The following GGH variants were observed in gnomAD, a reference collection of about 807,000 sequenced individuals.
GGH encodes the protein gamma-glutamyl hydrolase.
Under a neutral mutation model 39.2 loss-of-function variants are expected in GGH, and 18 were observed. The ratio of observed to expected loss-of-function variants is 0.46; its 90% CI spans 0.32 to 0.68. GGH has a LOEUF of 0.68. Ranked by LOEUF, GGH falls within the 30% of genes least tolerant of loss-of-function variation. GGH has a pLI of 0.04. For synonymous variants in GGH, 147 were observed against 138.8 expected (o/e 1.06, Z -0.42); for missense variants, 367 against 384.1 (o/e 0.96, Z 0.37).
At chr8:63,033,051 C>T (rs1315550630) in intron 2 of GGH, among the ~76,000 whole-genome samples, 1 of 152,212 alleles carries the variant, frequency 6.6e-6, no homozygotes, top group African/African-American at 2.4e-5. Flanking sequence ...ACTGGTCTAC[C>T]TGCCTTTAGG....
rs1804895206 is a variant in GGH at position 63,035,697 on chromosome 8, T to C, written c.183A>G (p.Val61=). The change falls in exon 2 of 9, where the codon GTA becomes GTG. Residue 61 remains valine (V), a synonymous_variant. Coordinates refer to ENST00000260118, the MANE Select transcript of GGH (RefSeq NM_003878.3). ...TCGCACCTGCAGACTCCAAGTACTT[T>C]ACATAGGACGCAGCAATATAGTATC... is the stretch of plus-strand genomic sequence containing the variant. ...YGRYYIAASY[V]KYLESAGARV... is the part of the protein sequence containing the mutation. 3 of 1,613,652 alleles carry C rather than the reference T, an allele frequency of 1.9e-6. No homozygotes were observed. Among genetic ancestry groups the C allele is most frequent in the South Asian group, 1.1e-5 (1 of 90,898 alleles).
At chr8:63,038,591 C>CG in intron 1 of GGH, 69 bp downstream of exon 1, 40 of 694,946 alleles carry the variant, frequency 5.8e-5, no homozygotes, top group East Asian at 2.0e-4. Flanking sequence ...TGGAGCGCGG[C>CG]GGCGGGAGGC....
intron 8 of GGH, 50 bp downstream of exon 8, chr8:63,017,442 AT>A (rs1408086524): frequency 7.3e-7 from 1 of 1,362,548 alleles, no homozygotes; most frequent in East Asian, 2.3e-5. Context: ...GATAAGGGCA[AT>A]TTTCTTCAAA....
At chr8:63,032,926 A>G (rs1200621110) in intron 2 of GGH, among the ~76,000 whole-genome samples, 1 of 152,126 alleles carries the variant, frequency 6.6e-6, no homozygotes, top group Non-Finnish European at 1.5e-5. Flanking sequence ...GTGCCCTTTT[A>G]TTAGTCATCA....
chr8:63,030,521 C>G (rs1804783713), intron 2 of GGH, among the ~76,000 whole-genome samples: 1 of 152,158 alleles, frequency 6.6e-6, no homozygotes, highest in Non-Finnish European at 1.5e-5. Context: ...AGTAATTTCT[C>G]TACTAACCAA....
At chr8:63,018,309 C>A (rs1804524162) in intron 7 of GGH, among the ~76,000 whole-genome samples, 2 of 152,066 alleles carry the variant, frequency 1.3e-5, no homozygotes, top group Non-Finnish European at 2.9e-5. Context: ...GTAATAGTTA[C>A]CTTCAGAAAA....
intron 1 of GGH, 143 bp downstream of exon 1, chr8:63,038,517 C>G: frequency 4.4e-6 from 2 of 453,182 alleles, no homozygotes; most frequent in East Asian, 6.9e-5. Context: ...GTGCCCAGCC[C>G]GGGTTCCTCC....
intron 1 of GGH, among the ~76,000 whole-genome samples, chr8:63,037,363 G>T (rs1804931592): frequency 6.6e-6 from 1 of 152,006 alleles, no homozygotes; most frequent in South Asian, 2.1e-4. Flanking sequence ...GGAGCACAAG[G>T]GTACCAGAAA....
intron 1 of GGH, 130 bp downstream of exon 1, chr8:63,038,530 G>A (rs971173545): frequency 8.3e-6 from 4 of 479,112 alleles, no homozygotes; most frequent in Admixed American, 7.6e-5. Flanking sequence ...GTTCCTCCTT[G>A]CACCAAAAGC....
At chr8:63,036,559 G>A (rs1171389086) in intron 1 of GGH, among the ~76,000 whole-genome samples, 1 of 152,128 alleles carries the variant, frequency 6.6e-6, no homozygotes, top group Non-Finnish European at 1.5e-5. Flanking sequence ...AGAGAAAGAC[G>A]GTGGGGAAGG....
At chr8:63,019,457 G>A (rs1804547066) in intron 7 of GGH, among the ~76,000 whole-genome samples, 2 of 152,176 alleles carry the variant, frequency 1.3e-5, no homozygotes, top group South Asian at 2.1e-4. Flanking sequence ...CAAGATCCTA[G>A]AGCATTACTT....
chr8:63,021,840 ATTTTTATAT>A (rs1392766403), intron 7 of GGH, among the ~76,000 whole-genome samples: 1 of 151,398 alleles, frequency 6.6e-6, no homozygotes, highest in East Asian at 1.9e-4. Flanking sequence ...CGCCTGGCTA[ATTTTTATAT>A]TTTTAGTAGA....
At chr8:63,029,297 G>A (rs1804758584) in intron 3 of GGH, among the ~76,000 whole-genome samples, 1 of 152,080 alleles carries the variant, frequency 6.6e-6, no homozygotes, top group Non-Finnish European at 1.5e-5. Context: ...CACGTGCCTT[G>A]CCTTTTTCAC....
rs532580151 is a variant in GGH at position 63,026,425 on chromosome 8, C to T, written c.361-129G>A. 5.8e-6 allele frequency: 4 copies of T among 686,374 alleles called. No individual in the cohort carries two copies. In the East Asian group the frequency reaches 1.1e-4, roughly 19 times the overall value. 42.5% of individuals were successfully genotyped at this position (686,374 alleles called of 1,614,324 possible). ...GATTTCTGAAGAATTCTCCAGGATC[C>T]ATAAGTAGGCTATCACTTAATCTCT... On this transcript the variant is annotated intron_variant, in intron 4 of 8. Coordinates refer to ENST00000260118, the MANE Select transcript of GGH (RefSeq NM_003878.3).
chr8:63,038,734 C>T lies in GGH; in HGVS notation c.35G>A (p.Gly12Asp). Residue 12 changes from glycine (G) to aspartate (D), a missense_variant, in exon 1 of 9, where the codon GGC (glycine) becomes GAC (aspartate). By Grantham distance (94) the Gly-to-Asp change is moderately conservative. Transcript: ENST00000260118. Reference protein sequence around the residue: ...ASPGCLLCVLGLLLCGAASLE... With the variant: ...ASPGCLLCVLDLLLCGAASLE... ...GCTCGCCGCCCCGCAGAGTAGCAGG[C>T]CCAGCACGCACAGCAGGCAGCCCGG... The T allele has an allele frequency of 6.3e-7, 1 of 1,581,736 alleles. No homozygotes were observed. The highest frequency in any genetic ancestry group is 8.6e-7 in the Non-Finnish European group (1 of 1,165,892).
At chr8:63,036,673 T>C (rs1326532983) in intron 1 of GGH, among the ~76,000 whole-genome samples, 1 of 151,932 alleles carries the variant, frequency 6.6e-6, no homozygotes, top group Admixed American at 6.6e-5. Context: ...TTCAGAGAGG[T>C]GACAGAGTAA....
At chr8:63,018,125 G>A (rs1804519868) in intron 7 of GGH, among the ~76,000 whole-genome samples, 1 of 152,044 alleles carries the variant, frequency 6.6e-6, no homozygotes, top group Non-Finnish European at 1.5e-5. Context: ...TGACTTTGTG[G>A]TATAAATTTT....
chr8:63,023,857 T>C, intron 7 of GGH, 50 bp downstream of exon 7: 2 of 1,256,654 alleles, frequency 1.6e-6, no homozygotes, highest in Non-Finnish European at 2.1e-6. Context: ...AAATCAAAAT[T>C]TAAAAATATA....
intron 7 of GGH, among the ~76,000 whole-genome samples, chr8:63,022,776 G>A (rs12548729): frequency 0.1 from 15,220 of 151,490 alleles, 992 homozygotes; most frequent in East Asian, 0.34. Context: ...GATCCGCCCC[G>A]GCCTCCCAAA....
Sources: allele counts gnomAD v4.1 joint callset (sites outside exome capture counted in the v4.1 genomes callset), GRCh38; gene constraint gnomAD v4.1.1; transcripts MANE v1.5; gene names NCBI Gene and HGNC (gene_info 2026-07-23, HGNC 2026-07-21).